Variants in CEP295 observed in about 807,000 individuals in gnomAD.
The protein encoded by CEP295 is centrosomal protein of 295 kDa.
CEP295 carries 190 observed loss-of-function variants against 291.6 expected under a neutral mutation model. That is an observed-to-expected ratio of 0.65 (90% confidence interval 0.58 to 0.73). CEP295 has a LOEUF of 0.73. Ranked by LOEUF, CEP295 falls within the 30% of genes least tolerant of loss-of-function variation. The pLI, the probability that CEP295 is intolerant of heterozygous loss-of-function variation, is 0.00. For missense variants in CEP295, 2,863 were observed against 2,949.4 expected (o/e 0.97, Z 0.68); for synonymous variants, 993 against 1,038.8 (o/e 0.96, Z 0.85).
At chr11:93,674,679 T>C (rs1281828952) in intron 5 of CEP295, among the ~76,000 whole-genome samples, 1 of 151,584 alleles carries the variant, frequency 6.6e-6, no homozygotes, top group African/African-American at 2.4e-5. Context: ...GGGACTTTGC[T>C]AAGTTTTCAC....
chr11:93,680,493 A>G (rs1412005983), intron 7 of CEP295, among the ~76,000 whole-genome samples: 1 of 152,096 alleles, frequency 6.6e-6, no homozygotes, highest in Non-Finnish European at 1.5e-5. Context: ...CAGAGTCAAT[A>G]CAGTCAGTCC....
chr11:93,718,836 C>A (rs557249001), intron 18 of CEP295, among the ~76,000 whole-genome samples: 1 of 152,170 alleles, frequency 6.6e-6, no homozygotes, highest in African/African-American at 2.4e-5. Flanking sequence ...GTCAGCCAGG[C>A]ACGGTGGCTC....
At chr11:93,704,844 C>A (rs6483262) in intron 17 of CEP295, among the ~76,000 whole-genome samples, 3 of 151,900 alleles carry the variant, frequency 2.0e-5, no homozygotes, top group Admixed American at 2.0e-4. Context: ...CCTACACACC[C>A]TTTAATACCA....
Position 93,687,788 on chromosome 11 carries a change from T to C in CEP295, c.1259T>C (p.Ile420Thr). Residue 420 changes from isoleucine (I) to threonine (T), a missense_variant, in exon 10 of 30, where the codon ATT becomes ACT. Physicochemically the swap from Ile to Thr is moderately conservative, Grantham distance 89. Coordinates refer to ENST00000325212, the MANE Select transcript of CEP295 (RefSeq NM_033395.2). ...GAAATGATTACGACTGTTAGTGAAATTGAGAGTAAAGCACCAACGGTTGAG... is the reference window on the plus strand; with the variant it reads ...GAAATGATTACGACTGTTAGTGAAACTGAGAGTAAAGCACCAACGGTTGAG... ...ESEMITTVSE[I>T]ESKAPTVESG... 6.4e-7 allele frequency: 1 copy of C among 1,551,328 alleles called. No individual in the cohort carries two copies. Among genetic ancestry groups the C allele is most frequent in the Middle Eastern group, 1.7e-4 (1 of 5,988 alleles).
At chr11:93,680,057 G>C (rs772799453) in intron 7 of CEP295, among the ~76,000 whole-genome samples, 1 of 152,004 alleles carries the variant, frequency 6.6e-6, no homozygotes, top group African/African-American at 2.4e-5. Flanking sequence ...CGAGCAGATC[G>C]CATAGGCCCG....
chr11:93,676,739 A>T (rs1252511185), intron 6 of CEP295, among the ~76,000 whole-genome samples: 2 of 151,994 alleles, frequency 1.3e-5, no homozygotes, highest in Admixed American at 6.5e-5. Flanking sequence ...CTTTTAACTA[A>T]GATTGATGAT....
At chr11:93,726,821 C>T in intron 23 of CEP295, 155 bp from the exon 24 acceptor site, 1 of 512,480 alleles carries the variant, frequency 2.0e-6, no homozygotes, top group Non-Finnish European at 3.4e-6. Context: ...TCACTGTGAC[C>T]ATCCTTATCT....
At chr11:93,706,353 A>C (rs979813863) in intron 17 of CEP295, among the ~76,000 whole-genome samples, 8 of 152,234 alleles carry the variant, frequency 5.3e-5, no homozygotes, top group African/African-American at 1.7e-4. Flanking sequence ...TAGAGAACCC[A>C]GTAAACACTT....
chr11:93,696,330 C>T lies in CEP295; in HGVS notation c.1682C>T (p.Ala561Val), dbSNP rs1198217508. 6.5e-7 allele frequency: 1 copy of T among 1,546,276 alleles called. No homozygotes were observed. Among genetic ancestry groups the T allele is most frequent in the Non-Finnish European group, 8.7e-7 (1 of 1,143,298 alleles). The stretch of plus-strand genomic sequence containing the variant: ...TTTGTCTTTTATTAGGTTGGCATTG[C>T]TCCAGCATCATGCCCTGTAATTTCT... ...KKTQPTGVGI[A>V]PASCPVISDE... The change falls in exon 14 of 30, where the codon GCT becomes GTT. Residue 561 changes from alanine (A) to valine (V), a missense_variant. Ala to Val is a moderately conservative substitution (Grantham distance 64). Transcript: ENST00000325212.
chr11:93,687,842 C>A lies in CEP295; in HGVS notation c.1313C>A (p.Thr438Lys). 2 of 1,550,590 alleles carry A rather than the reference C, an allele frequency of 1.3e-6. No individual in the cohort carries two copies. Among genetic ancestry groups the A allele is most frequent in the Non-Finnish European group, 1.7e-6 (2 of 1,146,282 alleles). The stretch of plus-strand genomic sequence containing the variant: ...GGAACAATTGCCAGCAAAGAGAGAA[C>A]GTTATCCTCTGGGCAGGAACAAGGT... ...ESGTIASKER[T>K]LSSGQEQVVE... Residue 438 changes from threonine to lysine, a missense_variant, in exon 10 of 30, where the codon ACG becomes AAG. Around this residue, in one of 3 missense-constraint regions of CEP295, gnomAD observed 554 missense variants for 576.0 expected, o/e 0.96. Transcript: ENST00000325212.
At chr11:93,706,988 GTAAA>G in intron 18 of CEP295, 91 bp downstream of exon 18, 1 of 1,146,216 alleles carries the variant, frequency 8.7e-7, no homozygotes, top group Admixed American at 3.2e-5. Flanking sequence ...GTGAAAAATG[GTAAA>G]TAAACTTAGT....
At chr11:93,714,485 A>G (rs990356160) in intron 18 of CEP295, among the ~76,000 whole-genome samples, 3 of 152,144 alleles carry the variant, frequency 2.0e-5, no homozygotes, top group East Asian at 1.9e-4. Flanking sequence ...TCTTGACCAC[A>G]TGTTCCACCC....
intron 5 of CEP295, 56 bp from the exon 6 acceptor site, chr11:93,675,515 C>A: frequency 1.1e-6 from 1 of 914,150 alleles, no homozygotes; most frequent in Non-Finnish European, 1.6e-6. Flanking sequence ...GCATTGGATT[C>A]AGCTTTAAGT....
At chr11:93,709,656 AT>A (rs900752105) in intron 18 of CEP295, among the ~76,000 whole-genome samples, 1 of 151,706 alleles carries the variant, frequency 6.6e-6, no homozygotes, top group Admixed American at 6.6e-5. Context: ...AAATTTTAAG[AT>A]TTTTTTTCTA....
intron 15 of CEP295, among the ~76,000 whole-genome samples, chr11:93,700,588 G>A (rs1054365286): frequency 1.3e-5 from 2 of 151,368 alleles, no homozygotes; most frequent in Admixed American, 6.6e-5. Context: ...ACCATGCCTG[G>A]CTAAATTTTG....
At chr11:93,704,655 T>C (rs1432942467) in intron 17 of CEP295, among the ~76,000 whole-genome samples, 23 of 152,182 alleles carry the variant, frequency 1.5e-4, no homozygotes, top group Admixed American at 9.2e-4. Flanking sequence ...CCTTCAAGAC[T>C]TAGTAAGTGT....
In CEP295 at chr11:93,697,045, G is replaced by A. The variant is rs1421880970; in HGVS notation, c.2133G>A (p.Arg711=). The stretch of plus-strand genomic sequence containing the variant: ...CTTTAGAATCACAAGAACATCTAAG[G>A]CAATTCTCTCAGACTGAAACACAAC... ...NQALESQEHL[R]QFSQTETQQR... The change falls in exon 15 of 30, where the codon AGG becomes AGA. Residue 711 remains arginine, a synonymous_variant. Coordinates refer to ENST00000325212, the MANE Select transcript of CEP295 (RefSeq NM_033395.2). 3.9e-6 allele frequency: 6 copies of A among 1,551,568 alleles called. No homozygotes were observed. Among genetic ancestry groups the A allele is most frequent in the Non-Finnish European group, 2.6e-6 (3 of 1,147,004 alleles).
chr11:93,715,670 G>T (rs1953194176), intron 18 of CEP295, among the ~76,000 whole-genome samples: 1 of 151,974 alleles, frequency 6.6e-6, no homozygotes, highest in African/African-American at 2.4e-5. Context: ...ACCACTGCTA[G>T]GACCCAAGGG....
At chr11:93,688,595 A>G (rs574623952) in intron 10 of CEP295, among the ~76,000 whole-genome samples, 9 of 151,962 alleles carry the variant, frequency 5.9e-5, no homozygotes, top group African/African-American at 9.7e-5. Context: ...GTACTTTACT[A>G]TTTTCTCTTG....
Sources: allele counts gnomAD v4.1 joint callset (sites outside exome capture counted in the v4.1 genomes callset), GRCh38; gene constraint gnomAD v4.1.1; regional missense constraint gnomAD v4.1.1; transcripts MANE v1.5; gene names NCBI Gene and HGNC (gene_info 2026-07-23, HGNC 2026-07-21).